Variants in SOX5 observed in about 807,000 individuals in gnomAD.
SOX5 encodes the protein transcription factor SOX-5.
In SOX5, 9 loss-of-function variants were observed where a neutral mutation model predicts 92.0. That is an observed-to-expected ratio of 0.10 (90% CI 0.06 to 0.17). SOX5 has a LOEUF of 0.17. Ranked by LOEUF, SOX5 falls within the 10% of genes least tolerant of loss-of-function variation. The probability of loss-of-function intolerance (pLI) is 1.00; values close to 1 mark genes in which losing one functional copy is unlikely to be tolerated. For synonymous variants in SOX5, 344 were observed against 336.3 expected (o/e 1.02, Z -0.25); for missense variants, 642 against 944.5 (o/e 0.68, Z 4.20).
chr12:23,759,311 A>C (rs920030430), intron 3 of SOX5, among the ~76,000 whole-genome samples: 1 of 152,002 alleles, frequency 6.6e-6, no homozygotes, highest in Non-Finnish European at 1.5e-5. Flanking sequence ...TATAGCAGAG[A>C]TATACAATGA....
At chr12:23,669,281 G>A (rs2084363916) in intron 6 of SOX5, among the ~76,000 whole-genome samples, 1 of 152,126 alleles carries the variant, frequency 6.6e-6, no homozygotes, top group South Asian at 2.1e-4. Context: ...AAGGCCCTGT[G>A]AAAGCAGGAG....
intron 4 of SOX5, among the ~76,000 whole-genome samples, chr12:23,966,556 T>C (rs1349586470): frequency 3.3e-5 from 5 of 152,280 alleles, no homozygotes; most frequent in African/African-American, 1.2e-4. Flanking sequence ...CAACACTTTA[T>C]ATACATACCA....
intron 4 of SOX5, among the ~76,000 whole-genome samples, chr12:24,085,676 A>C (rs576752960): frequency 2.0e-5 from 3 of 152,048 alleles, no homozygotes; most frequent in Admixed American, 1.3e-4. Flanking sequence ...AGAGAGGGAG[A>C]TCTAGAAAGA....
intron 6 of SOX5, among the ~76,000 whole-genome samples, chr12:23,699,715 G>A (rs1198983292): frequency 6.6e-6 from 1 of 152,062 alleles, no homozygotes; most frequent in East Asian, 1.9e-4. Flanking sequence ...GTTTCCTTAA[G>A]TGGAAGTCTT....
intron 2 of SOX5, among the ~76,000 whole-genome samples, chr12:23,874,532 G>T (rs776702817): frequency 6.6e-5 from 10 of 152,084 alleles, no homozygotes; most frequent in African/African-American, 9.7e-5. Flanking sequence ...AACATAATAG[G>T]TTCCATCCAG....
At chr12:23,923,046 C>T (rs922344858) in intron 1 of SOX5, among the ~76,000 whole-genome samples, 3 of 151,782 alleles carry the variant, frequency 2.0e-5, no homozygotes, top group Non-Finnish European at 2.9e-5. Context: ...CCTGGGTTCC[C>T]GCCATTCTCC....
chr12:24,450,984 T>G (rs917638222), intron 1 of SOX5, among the ~76,000 whole-genome samples: 3 of 152,176 alleles, frequency 2.0e-5, no homozygotes, highest in African/African-American at 7.2e-5. Flanking sequence ...TAACCATCTT[T>G]CTATTCTCTA....
chr12:24,496,304 G>A (rs1947632387), intron 1 of SOX5, among the ~76,000 whole-genome samples: 1 of 152,166 alleles, frequency 6.6e-6, no homozygotes, highest in African/African-American at 2.4e-5. Context: ...AATCCCTGGA[G>A]ACATAGTTTG....
chr12:24,131,986 A>T (rs2138509752), intron 4 of SOX5, among the ~76,000 whole-genome samples: 1 of 152,292 alleles, frequency 6.6e-6, no homozygotes, highest in South Asian at 2.1e-4. Flanking sequence ...CTCAAGGAGC[A>T]CGACCACATC....
intron 1 of SOX5, among the ~76,000 whole-genome samples, chr12:24,548,400 GA>G (rs1381120669): frequency 6.6e-6 from 1 of 152,210 alleles, no homozygotes; most frequent in Non-Finnish European, 1.5e-5. Flanking sequence ...ATGTAATTTG[GA>G]AATTAAGGGA....
At chr12:23,827,405 A>C (rs932846654) in intron 3 of SOX5, among the ~76,000 whole-genome samples, 1 of 152,238 alleles carries the variant, frequency 6.6e-6, no homozygotes, top group Non-Finnish European at 1.5e-5. Context: ...CAAAAGGATA[A>C]AGTTCAAGAA....
chr12:23,748,918 G>T (rs1158484041), intron 4 of SOX5, among the ~76,000 whole-genome samples: 2 of 151,792 alleles, frequency 1.3e-5, no homozygotes, highest in African/African-American at 4.8e-5. Context: ...AAATACTAAT[G>T]GTATTTGCTA....
intron 1 of SOX5, among the ~76,000 whole-genome samples, chr12:24,373,683 TATAG>T (rs1956968311): frequency 6.6e-6 from 1 of 152,246 alleles, no homozygotes; most frequent in South Asian, 2.1e-4. Context: ...AATGGATATA[TATAG>T]ATATCTATAT....
At chr12:24,199,856 C>T (rs2139524482) in intron 4 of SOX5, among the ~76,000 whole-genome samples, 1 of 151,866 alleles carries the variant, frequency 6.6e-6, no homozygotes, top group South Asian at 2.1e-4. Flanking sequence ...GTTAGCAACT[C>T]AAGAGTTAGT....
intron 3 of SOX5, among the ~76,000 whole-genome samples, chr12:23,842,658 T>C (rs1444419309): frequency 1.3e-5 from 2 of 151,984 alleles, no homozygotes; most frequent in Non-Finnish European, 2.9e-5. Flanking sequence ...AGAAAAGAAG[T>C]GCTAAACTAA....
intron 1 of SOX5, among the ~76,000 whole-genome samples, chr12:24,562,059 T>C (rs1269739166): frequency 6.6e-6 from 1 of 152,010 alleles, no homozygotes; most frequent in Non-Finnish European, 1.5e-5. Context: ...CGCTCCAGGG[T>C]CCCCCGGCCA....
At chr12:23,863,980 C>G (rs1186086101) in intron 2 of SOX5, among the ~76,000 whole-genome samples, 1 of 146,196 alleles carries the variant, frequency 6.8e-6, no homozygotes, top group African/African-American at 2.5e-5. Context: ...ACAAATATAG[C>G]TTTTTTTTTT....
chr12:24,181,888 G>A (rs551027438), intron 4 of SOX5, among the ~76,000 whole-genome samples: 1 of 152,184 alleles, frequency 6.6e-6, no homozygotes, highest in East Asian at 1.9e-4. Context: ...CTTAGAATAT[G>A]GTCTAGATTT....
intron 1 of SOX5, among the ~76,000 whole-genome samples, chr12:24,430,188 C>T (rs1439223891): frequency 2.0e-5 from 3 of 152,060 alleles, no homozygotes; most frequent in Non-Finnish European, 4.4e-5. Context: ...AAGCCTAACG[C>T]ATAATTTTTG....
Sources: allele counts gnomAD v4.1 joint callset (sites outside exome capture counted in the v4.1 genomes callset), GRCh38; gene constraint gnomAD v4.1.1; transcripts MANE v1.5; gene names NCBI Gene and HGNC (gene_info 2026-07-23, HGNC 2026-07-21).